Variants in LIN7A observed in about 807,000 individuals in gnomAD.
LIN7A encodes protein lin-7 homolog A.
LIN7A carries 25 observed loss-of-function variants against 29.8 expected under a neutral mutation model. The ratio of observed to expected loss-of-function variants is 0.84; its 90% CI spans 0.61 to 1.17. The LOEUF (loss-of-function observed/expected upper bound fraction) is 1.17. Ranked by LOEUF, LIN7A falls within the 50% of genes most tolerant of loss-of-function variation. The pLI is 0.00. For synonymous variants in LIN7A, 118 were observed against 107.5 expected, an observed-to-expected ratio of 1.10 and a Z score of -0.60; for missense variants, 239 against 287.0, an observed-to-expected ratio of 0.83 and a Z score of 1.21.
chr12:80,905,636 A>T (rs527787312), intron 1 of LIN7A, among the ~76,000 whole-genome samples: 34 of 152,242 alleles, frequency 2.2e-4, no homozygotes, highest in Admixed American at 9.2e-4. Context: ...TGCCTCATAC[A>T]CATGTATTTC....
At chr12:80,798,587 T>C (rs73358845) in intron 5 of LIN7A, among the ~76,000 whole-genome samples, 22,176 of 152,114 alleles carry the variant, frequency 0.15, 5,362 homozygotes, top group African/African-American at 0.5. Flanking sequence ...TTAACTATTA[T>C]AATATCATCA....
intron 1 of LIN7A, among the ~76,000 whole-genome samples, chr12:80,924,463 C>T (rs1170069501): frequency 1.3e-5 from 2 of 152,180 alleles, no homozygotes; most frequent in Non-Finnish European, 2.9e-5. Flanking sequence ...GTGTTCTAAG[C>T]ACTTGCATGT....
At chr12:80,837,325 C>T (rs753035265) in intron 4 of LIN7A, among the ~76,000 whole-genome samples, 1 of 151,932 alleles carries the variant, frequency 6.6e-6, no homozygotes, top group Non-Finnish European at 1.5e-5. Context: ...TTTTCAGATA[C>T]AATTAGGTTA....
chr12:80,916,382 T>C (rs561090811), intron 1 of LIN7A, among the ~76,000 whole-genome samples: 25 of 152,192 alleles, frequency 1.6e-4, no homozygotes, highest in Non-Finnish European at 2.9e-4. Context: ...TTTGACTTCA[T>C]TTCTTACTGT....
chr12:80,865,098 C>A (rs2120443031), intron 2 of LIN7A, among the ~76,000 whole-genome samples: 1 of 152,266 alleles, frequency 6.6e-6, no homozygotes, highest in African/African-American at 2.4e-5. Context: ...TAAAGAAAAA[C>A]AACCTTCTGA....
chr12:80,920,009 G>C (rs544594931), intron 1 of LIN7A, among the ~76,000 whole-genome samples: 1 of 152,216 alleles, frequency 6.6e-6, no homozygotes, highest in South Asian at 2.1e-4. Context: ...CACCTCAAAT[G>C]GTTAAGTTGA....
At chr12:80,811,404 C>T (rs892148214) in intron 5 of LIN7A, 61 bp downstream of exon 5, 6 of 623,600 alleles carry the variant, frequency 9.6e-6, no homozygotes, top group Admixed American at 7.9e-5. Flanking sequence ...TTCATATATA[C>T]ATATATGTGT....
At chr12:80,802,987 G>A (rs1870793204) in intron 5 of LIN7A, among the ~76,000 whole-genome samples, 1 of 151,990 alleles carries the variant, frequency 6.6e-6, no homozygotes, top group Non-Finnish European at 1.5e-5. Flanking sequence ...TGGGTTATTT[G>A]TTTTCTTGCT....
intron 5 of LIN7A, among the ~76,000 whole-genome samples, chr12:80,800,689 G>A (rs1290568451): frequency 1.3e-5 from 2 of 151,956 alleles, no homozygotes; most frequent in African/African-American, 4.8e-5. Context: ...TATACCAATT[G>A]TCTATAATTG....
intron 4 of LIN7A, among the ~76,000 whole-genome samples, chr12:80,829,655 CAG>C (rs1163820640): frequency 6.6e-6 from 1 of 152,138 alleles, no homozygotes; most frequent in Non-Finnish European, 1.5e-5. Flanking sequence ...TGAGATTCCA[CAG>C]AGAGTAATCA....
intron 2 of LIN7A, among the ~76,000 whole-genome samples, chr12:80,871,549 C>G (rs1874428345): frequency 6.6e-6 from 1 of 151,740 alleles, no homozygotes; most frequent in African/African-American, 2.4e-5. Context: ...TATATCAATC[C>G]CAAACGTACT....
intron 4 of LIN7A, among the ~76,000 whole-genome samples, chr12:80,823,607 T>C (rs1026253831): frequency 2.0e-5 from 3 of 152,106 alleles, no homozygotes; most frequent in Non-Finnish European, 2.9e-5. Flanking sequence ...TCCAGGCGAG[T>C]AGCAGAAGCT....
chr12:80,879,645 C>CAAAAAAA (rs530877505), intron 2 of LIN7A, among the ~76,000 whole-genome samples: 6 of 58,734 alleles, frequency 1.0e-4, no homozygotes, highest in East Asian at 6.8e-4. Context: ...TGGAGCAGCC[C>CAAAAAAA]AAAAAAAAAA....
chr12:80,931,666 T>C (rs1245069554), intron 1 of LIN7A, among the ~76,000 whole-genome samples: 1 of 150,646 alleles, frequency 6.6e-6, no homozygotes, highest in Non-Finnish European at 1.5e-5. Flanking sequence ...AATGGAAAAC[T>C]CCTGGAGTGT....
chr12:80,847,675 A>G (rs1206819179), intron 3 of LIN7A, among the ~76,000 whole-genome samples: 2 of 152,170 alleles, frequency 1.3e-5, no homozygotes, highest in Admixed American at 1.3e-4. Flanking sequence ...TGTTATCGGT[A>G]TAACATTTCC....
intron 2 of LIN7A, among the ~76,000 whole-genome samples, chr12:80,866,208 A>G (rs1169523876): frequency 6.6e-6 from 1 of 152,234 alleles, no homozygotes; most frequent in Non-Finnish European, 1.5e-5. Flanking sequence ...TACATAAAAG[A>G]TACTACAGGA....
intron 1 of LIN7A, among the ~76,000 whole-genome samples, chr12:80,896,678 A>G (rs987292999): frequency 6.6e-6 from 1 of 152,240 alleles, no homozygotes; most frequent in Non-Finnish European, 1.5e-5. Flanking sequence ...TTTACTCAGT[A>G]TGCTATTGAA....
chr12:80,798,271 A>G (rs1293600820), intron 5 of LIN7A, among the ~76,000 whole-genome samples: 5 of 152,218 alleles, frequency 3.3e-5, no homozygotes, highest in Non-Finnish European at 7.3e-5. Context: ...TACTACCCCC[A>G]TACCTGCCAC....
chr12:80,840,370 A>G (rs1872753671), intron 4 of LIN7A, among the ~76,000 whole-genome samples: 1 of 152,232 alleles, frequency 6.6e-6, no homozygotes, highest in Non-Finnish European at 1.5e-5. Flanking sequence ...TTATGATTGC[A>G]GTAAAGGTTG....
Sources: gnomAD v4.1 joint callset for allele counts (sites outside exome capture counted in the v4.1 genomes callset) on GRCh38, gnomAD v4.1.1 for gene constraint, MANE v1.5 for transcripts, NCBI Gene and HGNC (gene_info 2026-07-23, HGNC 2026-07-21) for gene names.